Variants in RASA3 observed in about 807,000 individuals in gnomAD.
The protein encoded by RASA3 is ras GTPase-activating protein 3.
In RASA3, 73 loss-of-function variants were observed where a neutral mutation model predicts 110.0. The ratio of observed to expected loss-of-function variants is 0.66; its 90% CI spans 0.55 to 0.81. The LOEUF (loss-of-function observed/expected upper bound fraction) is 0.81. RASA3 is among the 30% of genes least tolerant of loss of function. The probability of loss-of-function intolerance (pLI) is 0.00; values close to 1 mark genes in which losing one functional copy is unlikely to be tolerated. For missense variants in RASA3, 976 were observed against 1,113.2 expected, an observed-to-expected ratio of 0.88 and a Z score of 1.75; for synonymous variants, 500 against 451.4, an observed-to-expected ratio of 1.11 and a Z score of -1.37.
intron 7 of RASA3, 61 bp from the exon 8 acceptor site, chr13:114,024,416 G>T: frequency 6.7e-7 from 1 of 1,488,010 alleles, no homozygotes; most frequent in Non-Finnish European, 9.4e-7. Context: ...GGGTATATGC[G>T]GACCTAGGCC....
At chr13:114,020,460 C>T (rs550119131) in intron 9 of RASA3, among the ~76,000 whole-genome samples, 3 of 152,184 alleles carry the variant, frequency 2.0e-5, no homozygotes, top group South Asian at 2.1e-4. Flanking sequence ...TGTGCCCGTG[C>T]CGTCTTCGTA....
intron 1 of RASA3, among the ~76,000 whole-genome samples, chr13:114,131,954 G>C (rs1463322494): frequency 1.3e-5 from 2 of 152,160 alleles, no homozygotes; most frequent in Non-Finnish European, 2.9e-5. Flanking sequence ...CTGGGGAGAA[G>C]CGTGAAGGAG....
At chr13:114,000,798 A>G in intron 19 of RASA3, 28 bp downstream of exon 19, 1 of 1,503,150 alleles carries the variant, frequency 6.7e-7, no homozygotes, top group Non-Finnish European at 9.3e-7. Context: ...CTCCAGCAAG[A>G]GCCAGGGAAA....
At chr13:114,073,860 A>G in intron 1 of RASA3, 23 bp from the exon 2 acceptor site, 2 of 1,564,316 alleles carry the variant, frequency 1.3e-6, no homozygotes, top group Non-Finnish European at 1.8e-6. Context: ...AGCGACATAC[A>G]TCATCAGCAG....
intron 3 of RASA3, among the ~76,000 whole-genome samples, chr13:114,046,686 G>C (rs1432170309): frequency 1.3e-5 from 2 of 152,174 alleles, no homozygotes; most frequent in Admixed American, 1.3e-4. Flanking sequence ...GTCTCAGCTA[G>C]TCCTCAATTT....
chr13:114,095,864 C>A (rs1232802084), intron 1 of RASA3, among the ~76,000 whole-genome samples: 1 of 152,212 alleles, frequency 6.6e-6, no homozygotes, highest in East Asian at 1.9e-4. Context: ...TAAGTCCAAT[C>A]CTGAGTTTTG....
chr13:114,052,796 TACTTA>T (rs1231714855), intron 2 of RASA3, among the ~76,000 whole-genome samples: 40 of 128,594 alleles, frequency 3.1e-4, no homozygotes, highest in African/African-American at 1.1e-3. Context: ...CTGCTGACTG[TACTTA>T]GAGTCCTCGC....
chr13:114,080,261 C>T (rs1006517907), intron 1 of RASA3, among the ~76,000 whole-genome samples: 2 of 152,192 alleles, frequency 1.3e-5, no homozygotes, highest in Non-Finnish European at 2.9e-5. Flanking sequence ...GCAAGGCACC[C>T]CCCAATCCTC....
At position 114,096,011 on chromosome 13, in the gene RASA3, A is replaced by G. The variant is rs2079937565; in HGVS notation, c.56-22174T>C. The stretch of plus-strand genomic sequence containing the variant: ...GCTAATCAACGTTAATTTTTCACAC[A>G]ACGACTGGGAAAATCTGCCTACAGG... On this transcript the variant is annotated intron_variant, in intron 1 of 23. Coordinates refer to ENST00000334062, the MANE Select transcript of RASA3 (RefSeq NM_007368.4). This position sits in a 1 kb window ranked among gnomAD's most constrained non-coding sequence, Gnocchi z 5.1. 6.6e-6 allele frequency among the ~76,000 whole-genome samples: 1 copy of G among 152,216 alleles called. No homozygotes were observed. The highest frequency in any genetic ancestry group is 2.4e-5 in the African/African-American group (1 of 41,454).
intron 13 of RASA3, 93 bp downstream of exon 13, chr13:114,016,104 G>A: frequency 1.7e-6 from 2 of 1,146,132 alleles, no homozygotes; most frequent in Admixed American, 1.8e-5. Context: ...ACCCCAACCG[G>A]GGTCACGGGG....
chr13:114,096,525 T>C lies in RASA3; in HGVS notation c.56-22688A>G, dbSNP rs117454344. ...AGTATGAGCTCTGGCTGACCATCCATGTCCTGGGTACAACTCACCCTCCTC... is the reference window on the plus strand; with the variant it reads ...AGTATGAGCTCTGGCTGACCATCCACGTCCTGGGTACAACTCACCCTCCTC... On this transcript the variant is annotated intron_variant, in intron 1 of 23. Coordinates refer to ENST00000334062, the MANE Select transcript of RASA3 (RefSeq NM_007368.4). The surrounding 1 kb of genome is among the most constrained non-coding windows in gnomAD (Gnocchi z 5.1). Among the ~76,000 whole-genome samples, 10 of 152,254 alleles carry C rather than the reference T, an allele frequency of 6.6e-5. No homozygotes were observed. The East Asian group carries it at 1.7e-3, about 26-fold the overall frequency.
At chr13:113,982,000 T>C (rs2052947888) in intron 22 of RASA3, 142 bp from the exon 23 acceptor site, 1 of 715,602 alleles carries the variant, frequency 1.4e-6, no homozygotes, top group Non-Finnish European at 2.2e-6. Context: ...CCACCACTCG[T>C]AAACGCAGAC....
At chr13:114,050,621 A>G (rs549223871) in intron 3 of RASA3, among the ~76,000 whole-genome samples, 2 of 152,332 alleles carry the variant, frequency 1.3e-5, no homozygotes, top group Non-Finnish European at 2.9e-5. Flanking sequence ...GCCCCTCTCA[A>G]TGCCAGGCAG....
intron 2 of RASA3, among the ~76,000 whole-genome samples, chr13:114,064,223 C>T (rs1198443821): frequency 6.6e-6 from 1 of 152,194 alleles, no homozygotes; most frequent in Non-Finnish European, 1.5e-5. Context: ...GCAGAGGCTG[C>T]GAGGCCAGCC....
Position 114,065,396 on chromosome 13 carries a change from T to C in RASA3, c.173+8324A>G, listed in dbSNP as rs1199364316. Among the ~76,000 whole-genome samples the C allele has an allele frequency of 6.6e-6, 1 of 151,356 alleles. No individual in the cohort carries two copies. Among genetic ancestry groups the C allele is most frequent in the African/African-American group, 2.4e-5 (1 of 41,062 alleles). On this transcript the variant is annotated intron_variant, in intron 2 of 23. Transcript: ENST00000334062. The surrounding 1 kb of genome is among the most constrained non-coding windows in gnomAD (Gnocchi z 4.1). The stretch of plus-strand genomic sequence containing the variant: ...GCTGCCCCAGCCTCGGGGTAGAGGG[T>C]AAAGGCTGCGTGAAGAGGAACCAAA...
At chr13:114,001,214 C>T (rs1010226381) in intron 18 of RASA3, among the ~76,000 whole-genome samples, 11 of 152,250 alleles carry the variant, frequency 7.2e-5, no homozygotes, top group African/African-American at 2.7e-4. Flanking sequence ...AACAGTGGTG[C>T]TGCCACTGGA....
At chr13:114,016,617 G>A (rs1033423771) in intron 12 of RASA3, among the ~76,000 whole-genome samples, 37 of 152,238 alleles carry the variant, frequency 2.4e-4, no homozygotes, top group African/African-American at 6.3e-4. Flanking sequence ...AGCGATGTGC[G>A]CCCGCGATCA....
intron 21 of RASA3, 82 bp downstream of exon 21, chr13:113,996,449 T>C: frequency 7.3e-7 from 1 of 1,372,980 alleles, no homozygotes; most frequent in Non-Finnish European, 1.0e-6. Context: ...AGGCATGCAC[T>C]GTCTGCTGGT....
intron 2 of RASA3, among the ~76,000 whole-genome samples, chr13:114,069,505 T>C: frequency 2.0e-5 from 1 of 49,900 alleles, no homozygotes; most frequent in Non-Finnish European, 3.7e-5. Context: ...ACCAGGAGAC[T>C]CAGGGGGCCA....
Sources: gnomAD v4.1 joint callset for allele counts (sites outside exome capture counted in the v4.1 genomes callset) on GRCh38, gnomAD v4.1.1 for gene constraint, Gnocchi (gnomAD v3.1) non-coding constraint, MANE v1.5 for transcripts, NCBI Gene and HGNC (gene_info 2026-07-23, HGNC 2026-07-21) for gene names.